Variants in PAPPA observed in about 807,000 individuals in gnomAD.
PAPPA encodes pappalysin-1.
PAPPA carries 60 observed loss-of-function variants against 164.0 expected under a neutral mutation model. That is an observed-to-expected ratio of 0.37 (90% CI 0.30 to 0.45). PAPPA has a LOEUF of 0.45. Ranked by LOEUF, PAPPA falls within the 20% of genes least tolerant of loss-of-function variation. The pLI, the probability that PAPPA is intolerant of heterozygous loss-of-function variation, is 1.00. For missense variants in PAPPA, 1,782 were observed against 2,087.3 expected (o/e 0.85, Z 2.85); for synonymous variants, 875 against 814.1 (o/e 1.07, Z -1.27).
At chr9:116,393,599 G>A (rs189559958) in intron 21 of PAPPA, among the ~76,000 whole-genome samples, 3 of 152,226 alleles carry the variant, frequency 2.0e-5, no homozygotes, top group East Asian at 1.9e-4. Context: ...TATTAGGTTG[G>A]TGCAAAAGTA....
At chr9:116,276,076 C>G (rs1312529661) in intron 9 of PAPPA, among the ~76,000 whole-genome samples, 2 of 152,150 alleles carry the variant, frequency 1.3e-5, no homozygotes, top group Non-Finnish European at 2.9e-5. Context: ...ATAACATACA[C>G]CAGGCCTGAG....
At chr9:116,355,809 G>A (rs1016677052) in intron 17 of PAPPA, among the ~76,000 whole-genome samples, 5 of 152,178 alleles carry the variant, frequency 3.3e-5, no homozygotes, top group East Asian at 1.9e-4. Context: ...GAGGCTAGTC[G>A]CAAAGGAGCA....
intron 10 of PAPPA, among the ~76,000 whole-genome samples, chr9:116,314,555 C>T (rs1189058941): frequency 6.6e-6 from 1 of 152,164 alleles, no homozygotes; most frequent in Admixed American, 6.5e-5. Flanking sequence ...ACCTGTGAAG[C>T]TCTCTATTTT....
chr9:116,334,238 TAAAA>T (rs397974030), intron 12 of PAPPA, among the ~76,000 whole-genome samples: 6 of 108,964 alleles, frequency 5.5e-5, no homozygotes, highest in Non-Finnish European at 7.4e-5. Flanking sequence ...CTGGCTGCAT[TAAAA>T]AAAAAAAAAA....
At chr9:116,306,818 A>G (rs1367768906) in intron 10 of PAPPA, among the ~76,000 whole-genome samples, 1 of 152,114 alleles carries the variant, frequency 6.6e-6, no homozygotes, top group African/African-American at 2.4e-5. Flanking sequence ...CATTTCTACC[A>G]AAGTCTGTTT....
rs1265159040 is a variant in PAPPA at position 116,235,644 on chromosome 9, G to A, written c.2732+7G>A. 4 of 1,612,730 alleles carry A rather than the reference G, an allele frequency of 2.5e-6. No homozygotes were observed. The highest frequency in any genetic ancestry group is 1.1e-5 in the South Asian group (1 of 91,018). On this transcript the variant is annotated splice_region_variant and intron_variant, in intron 7 of 21. Transcript: ENST00000328252. ...ATAGGAAATTCGTAGACATGTAAGT[G>A]CATTCTCTGAATAGGGAGTTTATTA...
At position 116,274,642 on chromosome 9, in the gene PAPPA, C is replaced by T. The variant is rs552035069; in HGVS notation, c.2953+3226C>T. ...TTCTCATGTAGAAAATGGTAAAAGC[C>T]CTAGAACCCAACAGTGGAAGATATT... On this transcript the variant is annotated intron_variant, in intron 9 of 21. Transcript: ENST00000328252. Among the ~76,000 whole-genome samples the T allele has an allele frequency of 1.4e-4, 22 of 152,214 alleles. No individual in the cohort carries two copies. In the South Asian group the frequency reaches 4.6e-3, roughly 32 times the overall value.
intron 19 of PAPPA, among the ~76,000 whole-genome samples, chr9:116,376,114 G>A (rs541785405): frequency 4.6e-4 from 69 of 148,884 alleles, no homozygotes; most frequent in African/African-American, 1.7e-3. Flanking sequence ...TCTGCCTCCC[G>A]GGTTCAAGCG....
intron 3 of PAPPA, among the ~76,000 whole-genome samples, chr9:116,208,562 TC>T (rs1331803341): frequency 6.6e-6 from 1 of 152,218 alleles, no homozygotes; most frequent in African/African-American, 2.4e-5. Flanking sequence ...GGTAGAATGT[TC>T]CCATTATTTA....
chr9:116,334,717 T>C (rs1846037963), intron 12 of PAPPA, 144 bp from the exon 13 acceptor site: 1 of 624,156 alleles, frequency 1.6e-6, no homozygotes, highest in Non-Finnish European at 2.9e-6. Flanking sequence ...TCAATCAGAC[T>C]CAAAATCCTC....
intron 3 of PAPPA, among the ~76,000 whole-genome samples, chr9:116,208,069 A>G (rs1844258901): frequency 6.6e-6 from 1 of 152,244 alleles, no homozygotes; most frequent in African/African-American, 2.4e-5. Context: ...TGAGTTTGCA[A>G]GAACTCTGTG....
intron 21 of PAPPA, among the ~76,000 whole-genome samples, chr9:116,383,907 A>G (rs1846767691): frequency 1.3e-5 from 2 of 152,216 alleles, no homozygotes. Flanking sequence ...CTAATTATGA[A>G]ATAATGCATA....
chr9:116,362,700 A>T lies in PAPPA; in HGVS notation c.4456A>T (p.Ser1486Cys). Reference protein sequence around the residue: ...GQCSVPNELNSNLKLQCPDGY... With the variant: ...GQCSVPNELNCNLKLQCPDGY... Reference sequence around the variant, plus strand: ...GTGCTCGGTTCCAAACGAGCTCAACAGCAACCTCAAACTGCAGTGCCCTGA... The same window carrying T: ...GTGCTCGGTTCCAAACGAGCTCAACTGCAACCTCAAACTGCAGTGCCCTGA... The change falls in exon 18 of 22, where the codon AGC becomes TGC. Residue 1486 changes from serine (S) to cysteine (C), a missense_variant. Around this residue, in one of 2 missense-constraint regions of PAPPA, gnomAD observed 1,324 missense variants for 1,656.9 expected, o/e 0.80. Coordinates refer to ENST00000328252, the MANE Select transcript of PAPPA (RefSeq NM_002581.5). 1 of 1,614,106 alleles carries T rather than the reference A, an allele frequency of 6.2e-7. No homozygotes were observed. The highest frequency in any genetic ancestry group is 1.1e-5 in the South Asian group (1 of 91,042).
chr9:116,315,651 C>G (rs1845779078), intron 10 of PAPPA, among the ~76,000 whole-genome samples: 1 of 152,088 alleles, frequency 6.6e-6, no homozygotes, highest in East Asian at 1.9e-4. Context: ...GTCTTCCTTT[C>G]TGACTTGAGA....
chr9:116,179,934 A>T (rs1039842012), intron 1 of PAPPA, among the ~76,000 whole-genome samples: 4 of 152,122 alleles, frequency 2.6e-5, no homozygotes, highest in Non-Finnish European at 5.9e-5. Context: ...CATGAAAGAA[A>T]CCAGATTGTT....
chr9:116,222,198 G>A (rs115372355), intron 5 of PAPPA, among the ~76,000 whole-genome samples: 1,690 of 152,244 alleles, frequency 0.011, 34 homozygotes, highest in African/African-American at 0.038. Context: ...ATTCACAATA[G>A]CTAAAATATA....
chr9:116,355,290 C>T (rs1315463880), intron 17 of PAPPA, among the ~76,000 whole-genome samples: 1 of 152,222 alleles, frequency 6.6e-6, no homozygotes, highest in Admixed American at 6.5e-5. Flanking sequence ...CTGCAATGAA[C>T]ATCAAAGGCA....
intron 1 of PAPPA, among the ~76,000 whole-genome samples, chr9:116,178,680 C>G (rs1236956331): frequency 6.6e-6 from 1 of 152,204 alleles, no homozygotes; most frequent in Non-Finnish European, 1.5e-5. Context: ...TTGCCAGTGG[C>G]CATGTGCCAA....
At chr9:116,370,898 C>T (rs1458534068) in intron 19 of PAPPA, among the ~76,000 whole-genome samples, 2 of 152,164 alleles carry the variant, frequency 1.3e-5, no homozygotes, top group Non-Finnish European at 2.9e-5. Flanking sequence ...CAGGTACTTG[C>T]TAAATATTTA....
Sources: allele counts gnomAD v4.1 joint callset (sites outside exome capture counted in the v4.1 genomes callset), GRCh38; gene constraint gnomAD v4.1.1; regional missense constraint gnomAD v4.1.1; transcripts MANE v1.5; gene names NCBI Gene and HGNC (gene_info 2026-07-23, HGNC 2026-07-21).